Variants in CDH12 observed in about 807,000 individuals in gnomAD.
CDH12 encodes the protein cadherin-12.
CDH12 carries 41 observed loss-of-function variants against 74.1 expected under a neutral mutation model. The ratio of observed to expected loss-of-function variants is 0.55; its 90% CI spans 0.43 to 0.72. The LOEUF is 0.72. Ranked by LOEUF, CDH12 falls within the 30% of genes least tolerant of loss-of-function variation. The pLI, the probability that CDH12 is intolerant of heterozygous loss-of-function variation, is 0.00. For missense variants in CDH12, 945 were observed against 977.2 expected, an observed-to-expected ratio of 0.97 and a Z score of 0.44; for synonymous variants, 399 against 355.0, an observed-to-expected ratio of 1.12 and a Z score of -1.39.
At chr5:22,726,543 T>C (rs891072967) in intron 1 of CDH12, among the ~76,000 whole-genome samples, 4 of 151,854 alleles carry the variant, frequency 2.6e-5, no homozygotes, top group African/African-American at 9.7e-5. Context: ...TAAACTCTCC[T>C]CCAAAGTGGC....
intron 1 of CDH12, among the ~76,000 whole-genome samples, chr5:22,798,113 C>T (rs934623436): frequency 1.3e-5 from 2 of 152,120 alleles, no homozygotes; most frequent in African/African-American, 4.8e-5. Context: ...TTATTCTTAT[C>T]CCCTGCCTCA....
chr5:22,575,341 G>A (rs1000776233), intron 1 of CDH12, among the ~76,000 whole-genome samples: 8 of 151,390 alleles, frequency 5.3e-5, no homozygotes, highest in African/African-American at 1.5e-4. Context: ...ATCACCTTTT[G>A]TGTACTCTGG....
At chr5:22,620,048 T>C (rs936787897) in intron 1 of CDH12, among the ~76,000 whole-genome samples, 1 of 152,122 alleles carries the variant, frequency 6.6e-6, no homozygotes, top group African/African-American at 2.4e-5. Context: ...TTTAAAACTT[T>C]GTCAATATCT....
intron 1 of CDH12, among the ~76,000 whole-genome samples, chr5:22,687,765 A>T (rs1206826784): frequency 3.3e-4 from 50 of 152,298 alleles, no homozygotes. Flanking sequence ...GTTATCATTT[A>T]TTCATTTGTA....
At chr5:22,225,617 C>CT (rs1389252180) in intron 3 of CDH12, among the ~76,000 whole-genome samples, 2 of 151,958 alleles carry the variant, frequency 1.3e-5, no homozygotes, top group Non-Finnish European at 2.9e-5. Flanking sequence ...TTTTACTCTT[C>CT]TAAATTACCT....
intron 4 of CDH12, among the ~76,000 whole-genome samples, chr5:22,168,309 G>T (rs965652288): frequency 6.6e-6 from 1 of 151,832 alleles, no homozygotes; most frequent in Non-Finnish European, 1.5e-5. Flanking sequence ...TACACTACTA[G>T]TCCCCTCTAA....
At chr5:22,108,126 G>A (rs1269681722) in intron 4 of CDH12, among the ~76,000 whole-genome samples, 1 of 152,194 alleles carries the variant, frequency 6.6e-6, no homozygotes, top group Non-Finnish European at 1.5e-5. Context: ...AGCAGGGCCA[G>A]GAGGAGATAA....
chr5:22,141,617 T>G (rs1207211682), intron 4 of CDH12: 7 of 152,098 alleles, frequency 4.6e-5, no homozygotes, highest in Admixed American at 3.9e-4. Flanking sequence ...TGTGAAGCCA[T>G]AAGCAAGGCA....
At chr5:22,256,243 G>T (rs998912236) in intron 3 of CDH12, among the ~76,000 whole-genome samples, 3 of 152,066 alleles carry the variant, frequency 2.0e-5, no homozygotes, top group African/African-American at 7.2e-5. Context: ...GTACATCCAT[G>T]TGCCACATAA....
chr5:21,970,567 C>T (rs1756798353), intron 6 of CDH12, among the ~76,000 whole-genome samples: 1 of 151,962 alleles, frequency 6.6e-6, no homozygotes, highest in Admixed American at 6.6e-5. Flanking sequence ...TGGCTGGGCA[C>T]TGTGGCTCAT....
At chr5:21,917,397 C>T (rs1272040844) in intron 6 of CDH12, among the ~76,000 whole-genome samples, 2 of 152,172 alleles carry the variant, frequency 1.3e-5, no homozygotes, top group Non-Finnish European at 2.9e-5. Flanking sequence ...GTTTTATTTG[C>T]AAGCTACTGC....
At chr5:22,713,419 G>A (rs1348860423) in intron 1 of CDH12, among the ~76,000 whole-genome samples, 3 of 151,876 alleles carry the variant, frequency 2.0e-5, no homozygotes, top group Non-Finnish European at 4.4e-5. Context: ...GGGATTACAG[G>A]CATGAGCCAC....
chr5:22,200,632 C>A (rs967960318), intron 4 of CDH12, among the ~76,000 whole-genome samples: 6 of 152,130 alleles, frequency 3.9e-5, no homozygotes, highest in Non-Finnish European at 7.4e-5. Context: ...TTGAACTAAT[C>A]TAATTGTTAC....
intron 5 of CDH12, among the ~76,000 whole-genome samples, chr5:22,049,704 A>C (rs191683352): frequency 6.6e-6 from 1 of 152,182 alleles, no homozygotes; most frequent in Non-Finnish European, 1.5e-5. Context: ...TCACACAGAG[A>C]CTTCTTAGCT....
chr5:22,425,172 A>ATATAT lies in CDH12; in HGVS notation c.-427-19822_-427-19821insATATA, dbSNP rs1554039892. 7.0e-3 allele frequency among the ~76,000 whole-genome samples: 582 copies of ATATAT among 83,348 alleles called. 9 individuals carry two copies. Among genetic ancestry groups the ATATAT allele is most frequent in the African/African-American group, 8.7e-3 (197 of 22,722 alleles). The allele number at this position is 83,348 out of a possible 152,430, so 54.7% of individuals were successfully genotyped here. ...GTGTGTGTATATATATATATATATA[A>ATATAT]ATATATATATATATATACTTCTTTC... On this transcript the variant is annotated intron_variant, in intron 2 of 14. Coordinates refer to ENST00000382254, the MANE Select transcript of CDH12 (RefSeq NM_004061.5).
intron 1 of CDH12, among the ~76,000 whole-genome samples, chr5:22,522,317 T>TA (rs1325831638): frequency 6.6e-6 from 1 of 152,114 alleles, no homozygotes; most frequent in Non-Finnish European, 1.5e-5. Context: ...CCACTAACAG[T>TA]AAATTAAATT....
At chr5:22,085,389 T>C (rs560685872) in intron 4 of CDH12, among the ~76,000 whole-genome samples, 27 of 152,110 alleles carry the variant, frequency 1.8e-4, no homozygotes, top group Non-Finnish European at 3.7e-4. Flanking sequence ...ATTGAAAGGG[T>C]TCTCTTTGTC....
intron 6 of CDH12, among the ~76,000 whole-genome samples, chr5:21,935,099 C>G (rs1256810014): frequency 6.6e-6 from 1 of 151,914 alleles, no homozygotes; most frequent in Non-Finnish European, 1.5e-5. Flanking sequence ...TTTCTCCTTT[C>G]AATTCTTTCT....
chr5:22,714,371 G>T (rs1743462107), intron 1 of CDH12, among the ~76,000 whole-genome samples: 2 of 152,240 alleles, frequency 1.3e-5, no homozygotes, highest in Middle Eastern at 3.4e-3. Flanking sequence ...ACCTAGGAAT[G>T]CATACCTGCT....
Sources: allele counts gnomAD v4.1 joint callset (sites outside exome capture counted in the v4.1 genomes callset), GRCh38; gene constraint gnomAD v4.1.1; transcripts MANE v1.5; gene names NCBI Gene and HGNC (gene_info 2026-07-23, HGNC 2026-07-21).